Variants in FGF13 observed in about 807,000 individuals in gnomAD.
The protein encoded by FGF13 is fibroblast growth factor homologous factor 2.
Under a neutral mutation model 19.5 loss-of-function variants are expected in FGF13, and 2 were observed. That is an observed-to-expected ratio of 0.10 (90% CI 0.04 to 0.32). FGF13 has a LOEUF of 0.32. FGF13 is among the 10% of genes least tolerant of loss of function. FGF13 has a pLI of 1.00. For synonymous variants in FGF13, 72 were observed against 76.9 expected, an observed-to-expected ratio of 0.94 and a Z score of 0.33; for missense variants, 113 against 192.7, an observed-to-expected ratio of 0.59 and a Z score of 2.45.
intron 3 of FGF13, among the ~76,000 whole-genome samples, chrX:138,646,191 A>T (rs2089304537): frequency 8.9e-6 from 1 of 112,488 alleles, no homozygotes; most frequent in Non-Finnish European, 1.9e-5. Flanking sequence ...AAGTAATGAT[A>T]ACAAAAGTAA....
intron 1 of FGF13, among the ~76,000 whole-genome samples, chrX:139,053,507 A>G (rs1003858089): frequency 1.9e-5 from 2 of 108,076 alleles, no homozygotes; most frequent in Non-Finnish European, 3.8e-5. Flanking sequence ...ATCATTAGTG[A>G]TGTTGAGCAT....
chrX:139,004,922 T>G lies in FGF13; in HGVS notation c.-112-140272A>C, dbSNP rs187107511. Among the ~76,000 whole-genome samples the G allele has an allele frequency of 4.0e-3, 449 of 112,012 alleles. 1 individual carries two copies. The highest frequency in any genetic ancestry group is 0.014 in the African/African-American group (422 of 30,782). ...CAGTACAACAGAACACCAGGTAGAC[T>G]TCTAGAGTGTTTTGACTCCAGGCTC... is the stretch of plus-strand genomic sequence containing the variant. On this transcript the variant is annotated intron_variant, in intron 1 of 2. Coordinates refer to the FGF13 transcript ENST00000421460.
chrX:138,806,171 T>A (rs1426552129), intron 3 of FGF13, among the ~76,000 whole-genome samples: 3 of 112,263 alleles, frequency 2.7e-5, no homozygotes, highest in Non-Finnish European at 5.6e-5. Context: ...CTTTTAAAAT[T>A]CATATTTTTT....
chrX:138,877,494 G>A (rs1602988963), intron 1 of FGF13, among the ~76,000 whole-genome samples: 1 of 111,718 alleles, frequency 9.0e-6, no homozygotes, highest in Non-Finnish European at 1.9e-5. Flanking sequence ...CAATTCAGTG[G>A]CATAGATTAT....
chrX:139,088,725 A>T (rs1021550251), intron 1 of FGF13, among the ~76,000 whole-genome samples: 2 of 111,271 alleles, frequency 1.8e-5, no homozygotes, highest in Non-Finnish European at 3.8e-5. Context: ...TTCCACAGTG[A>T]CACACAAGCA....
chrX:138,926,005 C>T (rs779994711), intron 1 of FGF13, among the ~76,000 whole-genome samples: 17 of 111,570 alleles, frequency 1.5e-4, no homozygotes, highest in Non-Finnish European at 2.8e-4. Flanking sequence ...TGCTTCCCTA[C>T]CTTACTGTTA....
At chrX:138,919,062 G>C (rs1397671016) in intron 1 of FGF13, among the ~76,000 whole-genome samples, 1 of 111,386 alleles carries the variant, frequency 9.0e-6, no homozygotes, top group African/African-American at 3.3e-5. Flanking sequence ...AAAATGCAAA[G>C]GAATTTATTA....
At chrX:138,854,243 A>G (rs2091243688), downstream of FGF13, among the ~76,000 whole-genome samples, 1 of 111,850 alleles carries the variant, frequency 8.9e-6, no homozygotes, top group African/African-American at 3.2e-5. Context: ...GTTTTTATAG[A>G]AATAATCATG....
chrX:138,866,724 G>T (rs937346441), intron 1 of FGF13, among the ~76,000 whole-genome samples: 1 of 111,844 alleles, frequency 8.9e-6, no homozygotes, highest in Non-Finnish European at 1.9e-5. Flanking sequence ...GAGCTTGTTA[G>T]AAATGCAGAC....
At chrX:138,993,701 C>A (rs1415245355) in intron 1 of FGF13, among the ~76,000 whole-genome samples, 1 of 111,967 alleles carries the variant, frequency 8.9e-6, no homozygotes, top group Non-Finnish European at 1.9e-5. Flanking sequence ...GCTTTCTGCA[C>A]ATGATAGCTA....
chrX:139,030,559 T>C (rs938981177), intron 1 of FGF13, among the ~76,000 whole-genome samples: 1 of 111,692 alleles, frequency 9.0e-6, no homozygotes, highest in African/African-American at 3.3e-5. Flanking sequence ...AAGAGGTTCT[T>C]AGATAGATCT....
At chrX:138,737,706 C>T (rs1411966448) in intron 1 of FGF13, among the ~76,000 whole-genome samples, 2 of 111,611 alleles carry the variant, frequency 1.8e-5, no homozygotes, top group Admixed American at 9.6e-5. Context: ...AGATCTTACT[C>T]AGCAAATAAT....
At chrX:138,675,739 G>C (rs1200304044) in intron 3 of FGF13, among the ~76,000 whole-genome samples, 2 of 111,339 alleles carry the variant, frequency 1.8e-5, no homozygotes, top group African/African-American at 6.5e-5. Flanking sequence ...CCTACACAAA[G>C]GGGAGTGGAA....
At chrX:139,072,387 C>G in intron 1 of FGF13, among the ~76,000 whole-genome samples, 1 of 111,295 alleles carries the variant, frequency 9.0e-6, no homozygotes, top group Non-Finnish European at 1.9e-5. Flanking sequence ...GACACCCTCT[C>G]TGATGGCACC....
At chrX:138,725,284 C>T (rs2090176724) in intron 1 of FGF13, among the ~76,000 whole-genome samples, 1 of 110,936 alleles carries the variant, frequency 9.0e-6, no homozygotes, top group Non-Finnish European at 1.9e-5. Context: ...CTTTTTTTCC[C>T]TCTAACTTTA....
At position 139,152,426 on chromosome X, in the gene FGF13, G is replaced by C. The variant is rs183947312; in HGVS notation, c.-113+50990C>G. 1.9e-4 allele frequency among the ~76,000 whole-genome samples: 14 copies of C among 72,582 alleles called. No homozygotes were observed. In the Admixed American group the frequency reaches 2.0e-3, roughly 10 times the overall value. 63.0% of individuals were successfully genotyped at this position (72,582 alleles called of 115,157 possible). A position where few individuals can be genotyped will look rare whatever the true frequency, so the allele number is the denominator to read the frequency against. ...TACTGAACAGTGGCCTTCAACCACAGACTAAAACCTGAAAACATTATAAAA... is the reference window on the plus strand; with the variant it reads ...TACTGAACAGTGGCCTTCAACCACACACTAAAACCTGAAAACATTATAAAA... On this transcript the variant is annotated intron_variant, in intron 1 of 2. Transcript: ENST00000421460.
At chrX:138,682,451 G>GGTGT (rs370699077) in intron 3 of FGF13, among the ~76,000 whole-genome samples, 6 of 110,508 alleles carry the variant, frequency 5.4e-5, no homozygotes, top group African/African-American at 3.3e-5. Context: ...ATATCAGAGG[G>GGTGT]GTGTGTGTGT....
chrX:138,831,923 T>C (rs1470873015), intron 3 of FGF13, among the ~76,000 whole-genome samples: 1 of 111,851 alleles, frequency 8.9e-6, no homozygotes, highest in Non-Finnish European at 1.9e-5. Flanking sequence ...AGTGAGAACA[T>C]GCAGTATTTA....
At chrX:139,191,962 C>T (rs1343678978) in intron 1 of FGF13, among the ~76,000 whole-genome samples, 2 of 111,765 alleles carry the variant, frequency 1.8e-5, no homozygotes, top group Non-Finnish European at 3.8e-5. Context: ...GAAGCTCCCT[C>T]CCAGCCCCGC....
Sources: allele counts gnomAD v4.1 joint callset (sites outside exome capture counted in the v4.1 genomes callset), GRCh38; gene constraint gnomAD v4.1.1; transcripts MANE v1.5; gene names NCBI Gene and HGNC (gene_info 2026-07-23, HGNC 2026-07-21).